Variants in FGF14 observed in about 807,000 individuals in gnomAD.
FGF14 encodes fibroblast growth factor 14.
Under a neutral mutation model 25.5 loss-of-function variants are expected in FGF14, and 5 were observed. That is an observed-to-expected ratio of 0.20 (90% confidence interval 0.10 to 0.41). FGF14 has a LOEUF of 0.41. FGF14 is among the 10% of genes least tolerant of loss of function. The pLI, the probability that FGF14 is intolerant of heterozygous loss-of-function variation, is 1.00. For missense variants in FGF14, 222 were observed against 320.1 expected (o/e 0.69, Z 2.34); for synonymous variants, 138 against 118.3 (o/e 1.17, Z -1.08).
chr13:102,351,885 G>A (rs1191209253), intron 1 of FGF14, among the ~76,000 whole-genome samples: 1 of 152,224 alleles, frequency 6.6e-6, no homozygotes, highest in Non-Finnish European at 1.5e-5. Context: ...TTCGTTAGAA[G>A]TAAGTCACTA....
chr13:102,327,269 C>A (rs2056485126), intron 1 of FGF14, among the ~76,000 whole-genome samples: 1 of 152,182 alleles, frequency 6.6e-6, no homozygotes, highest in Non-Finnish European at 1.5e-5. Context: ...TGGTTTGCAA[C>A]ACATCTGTTA....
intron 1 of FGF14, among the ~76,000 whole-genome samples, chr13:101,889,945 A>C (rs1015604701): frequency 1.3e-5 from 2 of 152,158 alleles, no homozygotes; most frequent in Admixed American, 1.3e-4. Context: ...CCCTATATCA[A>C]GGCTTAGCTT....
At chr13:102,352,265 A>G (rs2057303531) in intron 1 of FGF14, among the ~76,000 whole-genome samples, 1 of 151,402 alleles carries the variant, frequency 6.6e-6, no homozygotes, top group Non-Finnish European at 1.5e-5. Context: ...ACACACACAC[A>G]CACACACACA....
chr13:101,877,386 C>A (rs1407276759), intron 1 of FGF14, among the ~76,000 whole-genome samples: 3 of 152,112 alleles, frequency 2.0e-5, no homozygotes, highest in African/African-American at 7.2e-5. Flanking sequence ...GAAGCACATT[C>A]TATTATTAAC....
At chr13:102,082,475 C>T (rs75635416) in intron 1 of FGF14, among the ~76,000 whole-genome samples, 1 of 152,224 alleles carries the variant, frequency 6.6e-6, no homozygotes, top group East Asian at 1.9e-4. Flanking sequence ...ACCAGAAAAT[C>T]AACAACCACA....
At chr13:102,335,075 CT>C (rs2056753281) in intron 1 of FGF14, among the ~76,000 whole-genome samples, 1 of 152,132 alleles carries the variant, frequency 6.6e-6, no homozygotes, top group Non-Finnish European at 1.5e-5. Context: ...ATCCATATTC[CT>C]TCAGGGCCCT....
At chr13:102,324,610 C>A (rs1220990254) in intron 1 of FGF14, among the ~76,000 whole-genome samples, 1 of 152,088 alleles carries the variant, frequency 6.6e-6, no homozygotes, top group African/African-American at 2.4e-5. Context: ...AGAGCAGGCC[C>A]TCAAAAAACG....
intron 1 of FGF14, among the ~76,000 whole-genome samples, chr13:102,274,964 A>G (rs908041666): frequency 6.6e-6 from 1 of 151,560 alleles, no homozygotes; most frequent in Non-Finnish European, 1.5e-5. Flanking sequence ...AGCATTCAAC[A>G]TGGTAACAGC....
chr13:102,250,156 A>G (rs564908113), intron 1 of FGF14, among the ~76,000 whole-genome samples: 1 of 152,308 alleles, frequency 6.6e-6, no homozygotes. Flanking sequence ...TGACAGAAAG[A>G]AACAGAGCTA....
intron 1 of FGF14, among the ~76,000 whole-genome samples, chr13:102,130,635 C>T (rs971559416): frequency 2.6e-5 from 4 of 152,018 alleles, no homozygotes; most frequent in East Asian, 1.9e-4. Flanking sequence ...TTGGCAATGA[C>T]GGTTCTACCT....
chr13:101,993,094 T>A (rs2038991426), intron 1 of FGF14, among the ~76,000 whole-genome samples: 1 of 151,306 alleles, frequency 6.6e-6, no homozygotes, highest in Admixed American at 6.6e-5. Flanking sequence ...GGGAAAAACC[T>A]TACATATACA....
intron 1 of FGF14, among the ~76,000 whole-genome samples, chr13:102,005,108 A>C (rs957917173): frequency 5.3e-5 from 8 of 152,204 alleles, no homozygotes; most frequent in Non-Finnish European, 1.5e-5. Flanking sequence ...TGACATTTGG[A>C]CATATGATTT....
chr13:101,972,339 C>T (rs974491623), intron 1 of FGF14, among the ~76,000 whole-genome samples: 15 of 152,280 alleles, frequency 9.9e-5, no homozygotes, highest in African/African-American at 3.6e-4. Flanking sequence ...AAGCAGCCAA[C>T]TGAAAACATT....
At chr13:102,336,514 C>T (rs1442692681) in intron 1 of FGF14, among the ~76,000 whole-genome samples, 3 of 152,184 alleles carry the variant, frequency 2.0e-5, no homozygotes, top group South Asian at 2.1e-4. Context: ...CCAAGTGCAA[C>T]GTGAAACAGC....
intron 1 of FGF14, among the ~76,000 whole-genome samples, chr13:102,217,970 A>G (rs2050446521): frequency 6.6e-6 from 1 of 152,220 alleles, no homozygotes; most frequent in South Asian, 2.1e-4. Flanking sequence ...ATATGCACAT[A>G]TATTTACAAA....
chr13:102,187,977 C>A (rs1034190932), intron 1 of FGF14, among the ~76,000 whole-genome samples: 2 of 152,092 alleles, frequency 1.3e-5, no homozygotes, highest in African/African-American at 4.8e-5. Flanking sequence ...TAAGTAGACA[C>A]CTAAGAAGCT....
At chr13:102,396,520 C>A (rs569220706) in intron 1 of FGF14, among the ~76,000 whole-genome samples, 1 of 152,186 alleles carries the variant, frequency 6.6e-6, no homozygotes, top group East Asian at 1.9e-4. Flanking sequence ...AAAAACACTT[C>A]ACAAAAGTCT....
intron 1 of FGF14, among the ~76,000 whole-genome samples, chr13:102,229,686 G>A (rs2050990597): frequency 6.6e-6 from 1 of 152,084 alleles, no homozygotes; most frequent in Admixed American, 6.6e-5. Context: ...CTACCTCAAG[G>A]CTTCTCAGGC....
intron 1 of FGF14, among the ~76,000 whole-genome samples, chr13:102,060,157 CA>C (rs199958869): frequency 0.073 from 10,422 of 143,298 alleles, 697 homozygotes; most frequent in African/African-American, 0.18. Flanking sequence ...TGCAAATATT[CA>C]AAAAAAAAAA....
Sources: gnomAD v4.1 joint callset for allele counts (sites outside exome capture counted in the v4.1 genomes callset) on GRCh38, gnomAD v4.1.1 for gene constraint, MANE v1.5 for transcripts, NCBI Gene and HGNC (gene_info 2026-07-23, HGNC 2026-07-21) for gene names.